Variants in SLC35F1 observed in about 807,000 individuals in gnomAD.
The protein encoded by SLC35F1 is solute carrier family 35 member F1, also known as chromosome 6 open reading frame 169.
Under a neutral mutation model 48.7 loss-of-function variants are expected in SLC35F1, and 14 were observed. That is an observed-to-expected ratio of 0.29 (90% CI 0.19 to 0.45). The LOEUF (loss-of-function observed/expected upper bound fraction) is 0.45. Ranked by LOEUF, SLC35F1 falls within the 20% of genes least tolerant of loss-of-function variation. The pLI is 1.00. For synonymous variants in SLC35F1, 190 were observed against 202.2 expected, an observed-to-expected ratio of 0.94 and a Z score of 0.51; for missense variants, 404 against 500.0, an observed-to-expected ratio of 0.81 and a Z score of 1.83.
intron 2 of SLC35F1, among the ~76,000 whole-genome samples, chr6:118,195,960 C>T (rs1367487557): frequency 6.6e-6 from 1 of 152,276 alleles, no homozygotes; most frequent in East Asian, 1.9e-4. Flanking sequence ...TTAAAAACTC[C>T]AGCTGTATTA....
At chr6:118,249,576 A>C (rs1039017047) in intron 3 of SLC35F1, among the ~76,000 whole-genome samples, 7 of 152,204 alleles carry the variant, frequency 4.6e-5, no homozygotes, top group African/African-American at 1.7e-4. Flanking sequence ...GCCTGCTTCC[A>C]TTGGCAATGC....
chr6:118,208,571 T>G (rs1046128851), intron 2 of SLC35F1, among the ~76,000 whole-genome samples: 2 of 152,120 alleles, frequency 1.3e-5, no homozygotes, highest in African/African-American at 4.8e-5. Context: ...TTATTTAGAG[T>G]ACACAGACTT....
At chr6:118,152,799 A>T (rs1194804052) in intron 1 of SLC35F1, among the ~76,000 whole-genome samples, 1 of 152,218 alleles carries the variant, frequency 6.6e-6, no homozygotes, top group African/African-American at 2.4e-5. Context: ...AGCAGCAGGA[A>T]TGTAAAGGCT....
rs1775704806 is a variant in SLC35F1 at position 117,907,588 on chromosome 6, G to A, written c.-139G>A. On this transcript the variant is annotated 5_prime_UTR_variant, in exon 1 of 8. Coordinates refer to ENST00000360388, the MANE Select transcript of SLC35F1 (RefSeq NM_001029858.4). The stretch of plus-strand genomic sequence containing the variant: ...CGGCCGTAGCCGCGGGTGCCTCCCC[G>A]CCTCACCGCTTCGCAGGCAGCACCG... 4.5e-6 allele frequency: 2 copies of A among 446,086 alleles called. No homozygotes were observed. The highest frequency in any genetic ancestry group is 5.2e-5 in the South Asian group (1 of 19,318). The allele number at this position is 446,086 out of a possible 1,614,324, so 27.6% of individuals were successfully genotyped here. A position where few individuals can be genotyped will look rare whatever the true frequency, so the allele number is the denominator to read the frequency against.
At chr6:118,261,223 T>G (rs73512521) in intron 3 of SLC35F1, among the ~76,000 whole-genome samples, 6,653 of 152,280 alleles carry the variant, frequency 0.044, 515 homozygotes, top group African/African-American at 0.15. Flanking sequence ...GTGTGATACC[T>G]TAGTATCCAG....
At chr6:118,034,797 A>G (rs541720492) in intron 1 of SLC35F1, among the ~76,000 whole-genome samples, 3 of 152,024 alleles carry the variant, frequency 2.0e-5, no homozygotes, top group Non-Finnish European at 4.4e-5. Context: ...TATTTCAGGG[A>G]TTCATAGTAA....
intron 2 of SLC35F1, among the ~76,000 whole-genome samples, chr6:118,204,051 G>A (rs759612811): frequency 1.3e-5 from 2 of 151,540 alleles, no homozygotes; most frequent in African/African-American, 4.9e-5. Context: ...TTAGGATGGA[G>A]GGCCTACTTT....
At position 118,313,260 on chromosome 6, in the gene SLC35F1, A is replaced by G. The variant is rs185809544; in HGVS notation, c.1003-768A>G. ...AGTAACTACTGAAGTAACTACTTCC[A>G]GTGTAACTATTCAAGAAGGTCCAGG... is the stretch of plus-strand genomic sequence containing the variant. On this transcript the variant is annotated intron_variant, in intron 7 of 7. Coordinates refer to ENST00000360388, the MANE Select transcript of SLC35F1 (RefSeq NM_001029858.4). 1.8e-3 allele frequency among the ~76,000 whole-genome samples: 280 copies of G among 152,360 alleles called. 1 individual carries two copies. Among genetic ancestry groups the G allele is most frequent in the South Asian group, 6.4e-3 (31 of 4,826 alleles).
At chr6:118,236,050 T>C (rs182476266) in intron 3 of SLC35F1, among the ~76,000 whole-genome samples, 1 of 152,336 alleles carries the variant, frequency 6.6e-6, no homozygotes, top group Admixed American at 6.5e-5. Context: ...TTTTAGAATG[T>C]TAATAGACTT....
intron 1 of SLC35F1, among the ~76,000 whole-genome samples, chr6:117,971,565 G>A (rs1248600719): frequency 1.3e-5 from 2 of 151,994 alleles, no homozygotes; most frequent in Non-Finnish European, 2.9e-5. Context: ...TCCATGAGGG[G>A]TCCACCCCTG....
At chr6:117,933,621 T>C (rs963645661) in intron 1 of SLC35F1, among the ~76,000 whole-genome samples, 2 of 152,208 alleles carry the variant, frequency 1.3e-5, no homozygotes, top group African/African-American at 4.8e-5. Flanking sequence ...CTCTTTCAGC[T>C]TCATGGAAAG....
At chr6:118,180,067 A>C (rs1040340419) in intron 2 of SLC35F1, among the ~76,000 whole-genome samples, 2 of 152,178 alleles carry the variant, frequency 1.3e-5, no homozygotes, top group African/African-American at 4.8e-5. Context: ...TTGATAGCAA[A>C]ATAAATAGGA....
Position 118,033,198 on chromosome 6 carries a change from C to A in SLC35F1, c.174-121247C>A, listed in dbSNP as rs148082731. Among the ~76,000 whole-genome samples the A allele has an allele frequency of 1.5e-4, 23 of 152,144 alleles. No homozygotes were observed. The East Asian group carries it at 4.1e-3, about 27-fold the overall frequency. On this transcript the variant is annotated intron_variant, in intron 1 of 7. Coordinates refer to ENST00000360388, the MANE Select transcript of SLC35F1 (RefSeq NM_001029858.4). ...AAGCATTTTTCCAGGAAAATATGCT[C>A]ATTTGCATTTTATTGAATGGCATTT...
chr6:118,237,993 A>G (rs961385844), intron 3 of SLC35F1, among the ~76,000 whole-genome samples: 2 of 152,124 alleles, frequency 1.3e-5, no homozygotes, highest in Non-Finnish European at 2.9e-5. Context: ...TGAAGTTCTC[A>G]CTAGAAAAAA....
In SLC35F1 at chr6:118,285,465, A is replaced by AC; in HGVS notation, c.1002+129dup. The AC allele has an allele frequency of 1.1e-5, 12 of 1,047,890 alleles. No individual in the cohort carries two copies. In the South Asian group the frequency reaches 1.8e-4, roughly 15 times the overall value. The allele number at this position is 1,047,890 out of a possible 1,614,324, so 64.9% of individuals were successfully genotyped here. The stretch of plus-strand genomic sequence containing the variant: ...AATAGTAATGTAACTGGGTGTGCTA[A>AC]CCTCCATGATTTAGGTATTCACATT... On this transcript the variant is annotated intron_variant, in intron 7 of 7. Transcript: ENST00000360388.
intron 1 of SLC35F1, chr6:117,998,976 T>C: frequency 5.3e-6 from 6 of 1,125,118 alleles, no homozygotes; most frequent in Non-Finnish European, 8.0e-6. Context: ...GGTGCAGACA[T>C]GGCCAAGTCC....
intron 2 of SLC35F1, among the ~76,000 whole-genome samples, chr6:118,158,258 A>T (rs753850755): frequency 3.9e-5 from 6 of 152,240 alleles, no homozygotes; most frequent in Non-Finnish European, 7.3e-5. Context: ...TAACATCTGG[A>T]AATGAACATA....
chr6:118,114,493 C>G (rs1773450262), intron 1 of SLC35F1, among the ~76,000 whole-genome samples: 1 of 152,006 alleles, frequency 6.6e-6, no homozygotes, highest in African/African-American at 2.4e-5. Flanking sequence ...GTCTTTCCCC[C>G]ACAGCTTTTA....
intron 3 of SLC35F1, among the ~76,000 whole-genome samples, chr6:118,247,198 G>A (rs1775518597): frequency 6.6e-6 from 1 of 152,304 alleles, no homozygotes; most frequent in East Asian, 1.9e-4. Context: ...TCAGTTGCAT[G>A]CAAAGCCATC....
Sources: allele counts gnomAD v4.1 joint callset (sites outside exome capture counted in the v4.1 genomes callset), GRCh38; gene constraint gnomAD v4.1.1; transcripts MANE v1.5; gene names NCBI Gene and HGNC (gene_info 2026-07-23, HGNC 2026-07-21).